The following CATSPERB variants were observed in gnomAD, a reference collection of about 807,000 sequenced individuals.
CATSPERB encodes the protein cation channel sperm-associated auxiliary subunit beta.
Under a neutral mutation model 128.3 loss-of-function variants are expected in CATSPERB, and 93 were observed. The ratio of observed to expected loss-of-function variants is 0.72; its 90% confidence interval spans 0.61 to 0.86. The LOEUF is 0.86. Among genes scored for constraint, CATSPERB ranks in the 40% least tolerant of loss-of-function variants. The pLI, the probability that CATSPERB is intolerant of heterozygous loss-of-function variation, is 0.00. For missense variants in CATSPERB, 1,153 were observed against 1,329.5 expected, an observed-to-expected ratio of 0.87 and a Z score of 2.06; for synonymous variants, 381 against 448.8, an observed-to-expected ratio of 0.85 and a Z score of 1.91.
At chr14:91,686,514 T>C (rs1439607005) in intron 10 of CATSPERB, among the ~76,000 whole-genome samples, 1 of 152,130 alleles carries the variant, frequency 6.6e-6, no homozygotes, top group Non-Finnish European at 1.5e-5. Context: ...CTCTTAAAAA[T>C]AATTTCACTT....
chr14:91,581,697 GATT>G (rs1401713116), intron 26 of CATSPERB, among the ~76,000 whole-genome samples: 5 of 152,240 alleles, frequency 3.3e-5, no homozygotes, highest in Admixed American at 1.3e-4. Context: ...GGACAGATAG[GATT>G]ATTGACAGAG....
At chr14:91,721,093 A>G (rs149882025) in intron 4 of CATSPERB, among the ~76,000 whole-genome samples, 1,965 of 152,302 alleles carry the variant, frequency 0.013, 25 homozygotes, top group Non-Finnish European at 0.02. Context: ...TGGATCCAAG[A>G]TCTAAATGTA....
At chr14:91,663,477 C>G (rs1451215711) in intron 14 of CATSPERB, among the ~76,000 whole-genome samples, 6 of 151,886 alleles carry the variant, frequency 4.0e-5, no homozygotes, top group Non-Finnish European at 5.9e-5. Context: ...AACCCTGTCT[C>G]TACTAAAAAT....
At position 91,621,784 on chromosome 14, in the gene CATSPERB, T is replaced by C. The variant is rs1894049931; in HGVS notation, c.2084A>G (p.Lys695Arg). The change falls in exon 19 of 27, where the codon AAG becomes AGG. Residue 695 changes from lysine (K) to arginine (R), a missense_variant. By Grantham distance (26) the Lys-to-Arg change is conservative (BLOSUM62 2). Coordinates refer to ENST00000256343, the MANE Select transcript of CATSPERB (RefSeq NM_024764.4). ...ESAPNNMTFL[K>R]STWFLYNFGQ... ...AAAGTTGTATAAGAACCATGTGCTCTTTAGAAAGGTCATATTGTTGGGTGC... is the reference window on the plus strand; with the variant it reads ...AAAGTTGTATAAGAACCATGTGCTCCTTAGAAAGGTCATATTGTTGGGTGC... 1 of 1,614,192 alleles carries C rather than the reference T, an allele frequency of 6.2e-7. No homozygotes were observed. The highest frequency in any genetic ancestry group is 8.5e-7 in the Non-Finnish European group (1 of 1,180,032).
intron 18 of CATSPERB, among the ~76,000 whole-genome samples, chr14:91,623,191 G>A (rs1311500099): frequency 2.0e-5 from 3 of 152,078 alleles, no homozygotes; most frequent in Non-Finnish European, 2.9e-5. Flanking sequence ...CACCATACCC[G>A]GCCAGGGTTC....
intron 22 of CATSPERB, among the ~76,000 whole-genome samples, chr14:91,597,686 G>C (rs1319244641): frequency 1.3e-5 from 2 of 152,118 alleles, no homozygotes; most frequent in Non-Finnish European, 2.9e-5. Flanking sequence ...CGGGCCTTGA[G>C]GAGTTGAATG....
chr14:91,722,659 A>G (rs1896054470), intron 4 of CATSPERB, among the ~76,000 whole-genome samples: 1 of 152,206 alleles, frequency 6.6e-6, no homozygotes, highest in Non-Finnish European at 1.5e-5. Flanking sequence ...GTATGGAATT[A>G]TATCTTAATA....
chr14:91,706,297 T>C (rs367936426), intron 6 of CATSPERB, among the ~76,000 whole-genome samples: 1 of 152,236 alleles, frequency 6.6e-6, no homozygotes, highest in South Asian at 2.1e-4. Flanking sequence ...TTCAAAGAAA[T>C]GTGGGGCAAA....
chr14:91,636,311 T>C, intron 17 of CATSPERB, 114 bp downstream of exon 17: 1 of 882,046 alleles, frequency 1.1e-6, no homozygotes, highest in Middle Eastern at 3.5e-4. Context: ...TGCAGTGAGC[T>C]GTCATCGCAC....
At chr14:91,604,635 G>A (rs1893666357) in intron 22 of CATSPERB, 1 of 1,611,688 alleles carries the variant, frequency 6.2e-7, no homozygotes. Context: ...TTCCAGGACT[G>A]GGTGCACCAG....
intron 22 of CATSPERB, chr14:91,605,332 G>T: frequency 1.4e-6 from 1 of 715,848 alleles, no homozygotes; most frequent in East Asian, 2.5e-5. Flanking sequence ...TATTATTGGG[G>T]AAGAGGAGGA....
chr14:91,592,187 C>T (rs1893419133), intron 22 of CATSPERB, 185 bp from the exon 23 acceptor site: 1 of 590,822 alleles, frequency 1.7e-6, no homozygotes, highest in Non-Finnish European at 3.0e-6. Context: ...TTAGTTGCCC[C>T]CTTGCTTGGT....
chr14:91,660,111 C>T (rs992477170), intron 14 of CATSPERB, 130 bp from the exon 15 acceptor site: 1 of 595,058 alleles, frequency 1.7e-6, no homozygotes, highest in East Asian at 2.9e-5. Flanking sequence ...CTCTCTCTCT[C>T]TCTCTCACAC....
intron 3 of CATSPERB, among the ~76,000 whole-genome samples, chr14:91,723,671 T>A (rs1348466773): frequency 6.6e-6 from 1 of 152,100 alleles, no homozygotes; most frequent in Non-Finnish European, 1.5e-5. Context: ...GTACTTAAGA[T>A]CGCTTTGGGC....
intron 22 of CATSPERB, among the ~76,000 whole-genome samples, chr14:91,605,553 C>T (rs192656958): frequency 5.3e-5 from 8 of 152,284 alleles, no homozygotes; most frequent in Admixed American, 2.0e-4. Context: ...ATCATTTCCA[C>T]GGCCGAGGAG....
At chr14:91,609,460 G>A (rs890249894) in intron 21 of CATSPERB, among the ~76,000 whole-genome samples, 3 of 152,098 alleles carry the variant, frequency 2.0e-5, no homozygotes, top group Non-Finnish European at 4.4e-5. Context: ...ACCAGAAGGC[G>A]GCTACAAAAT....
intron 15 of CATSPERB, among the ~76,000 whole-genome samples, chr14:91,640,387 C>CTCCCCCT (rs1326070855): frequency 2.2e-5 from 2 of 91,738 alleles, no homozygotes; most frequent in African/African-American, 9.4e-5. Context: ...AATGCTATCC[C>CTCCCCCT]TCCCCCCTCC....
intron 4 of CATSPERB, among the ~76,000 whole-genome samples, chr14:91,722,087 T>G (rs1029475532): frequency 6.6e-6 from 1 of 152,000 alleles, no homozygotes; most frequent in Non-Finnish European, 1.5e-5. Flanking sequence ...AAGCTGCTAG[T>G]GAGAATGTAA....
At position 91,634,996 on chromosome 14, in the gene CATSPERB, T is replaced by G. The variant is rs112761633; in HGVS notation, c.1742+1429A>C. On this transcript the variant is annotated intron_variant, in intron 17 of 26. Coordinates refer to ENST00000256343, the MANE Select transcript of CATSPERB (RefSeq NM_024764.4). ...TCTGAGATCAAGGTGCCAGCAGATT[T>G]GGTATCTGGTGAGGGTCCACTTTCT... Among the ~76,000 whole-genome samples, 10 of 152,080 alleles carry G rather than the reference T, an allele frequency of 6.6e-5. 1 individual carries two copies. The highest frequency in any genetic ancestry group is 2.4e-4 in the African/African-American group (10 of 41,496).
Sources: gnomAD v4.1 joint callset for allele counts (sites outside exome capture counted in the v4.1 genomes callset) on GRCh38, gnomAD v4.1.1 for gene constraint, MANE v1.5 for transcripts, NCBI Gene and HGNC (gene_info 2026-07-23, HGNC 2026-07-21) for gene names.